The following TNIK variants were observed in gnomAD, a reference collection of about 807,000 sequenced individuals.
TNIK encodes TRAF2 and NCK interacting kinase.
Under a neutral mutation model 191.3 loss-of-function variants are expected in TNIK, and 49 were observed. That is an observed-to-expected ratio of 0.26 (90% CI 0.20 to 0.32). The LOEUF is 0.32. Among genes scored for constraint, TNIK ranks in the 10% least tolerant of loss-of-function variants. The pLI is 1.00. For synonymous variants in TNIK, 594 were observed against 600.9 expected, an observed-to-expected ratio of 0.99 and a Z score of 0.17; for missense variants, 1,155 against 1,702.3, an observed-to-expected ratio of 0.68 and a Z score of 5.66.
chr3:171,175,136 C>T, intron 9 of TNIK, 116 bp downstream of exon 9: 1 of 969,652 alleles, frequency 1.0e-6, no homozygotes, highest in Non-Finnish European at 1.6e-6. Flanking sequence ...TTCACCAAGT[C>T]ATCATACATG....
intron 12 of TNIK, among the ~76,000 whole-genome samples, chr3:171,145,622 GCATTTAT>G (rs879287822): frequency 1.2e-4 from 19 of 152,252 alleles, no homozygotes; most frequent in Non-Finnish European, 2.2e-4. Flanking sequence ...CAAAGGTAAT[GCATTTAT>G]CCCAAATTGG....
At chr3:171,261,422 T>C (rs1285676903) in intron 2 of TNIK, among the ~76,000 whole-genome samples, 1 of 152,208 alleles carries the variant, frequency 6.6e-6, no homozygotes, top group Non-Finnish European at 1.5e-5. Context: ...CCCACTTACT[T>C]ATTTGCATGC....
At chr3:171,421,878 C>T (rs547195661) in intron 1 of TNIK, among the ~76,000 whole-genome samples, 13 of 151,832 alleles carry the variant, frequency 8.6e-5, no homozygotes, top group African/African-American at 2.9e-4. Flanking sequence ...ACTACAGGTG[C>T]GTGACATCAA....
At chr3:171,213,969 T>C (rs769471037) in intron 3 of TNIK, among the ~76,000 whole-genome samples, 13 of 152,116 alleles carry the variant, frequency 8.5e-5, no homozygotes, top group Middle Eastern at 3.4e-3. Context: ...AAAAAATAAA[T>C]AAATAAAAGG....
rs771342267 is a variant in TNIK at position 171,125,905 on chromosome 3, A to T, written c.2013+7T>A. On this transcript the variant is annotated splice_region_variant and intron_variant, in intron 17 of 32. Transcript: ENST00000436636. ...GTGATTAAAAAAAACACCCCAGTAA[A>T]TATTACCTTTGGTGGAATGTCTTCT... 2.5e-6 allele frequency: 4 copies of T among 1,613,844 alleles called. No individual in the cohort carries two copies. In the Admixed American group the frequency reaches 6.7e-5, roughly 27 times the overall value.
chr3:171,305,050 G>GGA (rs113849134), intron 2 of TNIK, among the ~76,000 whole-genome samples: 12 of 133,880 alleles, frequency 9.0e-5, no homozygotes, highest in African/African-American at 2.8e-4. Flanking sequence ...CTGCCACAGG[G>GGA]AAAAAAAAAA....
At chr3:171,443,439 C>T (rs1727087973) in intron 1 of TNIK, among the ~76,000 whole-genome samples, 1 of 152,140 alleles carries the variant, frequency 6.6e-6, no homozygotes, top group African/African-American at 2.4e-5. Context: ...ATGATTTCAC[C>T]ACCACTAGAA....
intron 3 of TNIK, among the ~76,000 whole-genome samples, chr3:171,218,209 C>T (rs1294389491): frequency 4.6e-5 from 7 of 152,232 alleles, no homozygotes; most frequent in Admixed American, 2.6e-4. Flanking sequence ...GGATATTCCA[C>T]GAGACTGACA....
intron 1 of TNIK, among the ~76,000 whole-genome samples, chr3:171,396,803 T>A (rs921102804): frequency 6.6e-6 from 1 of 152,204 alleles, no homozygotes; most frequent in Non-Finnish European, 1.5e-5. Flanking sequence ...TTCTTTTGAC[T>A]CTCAGACTAC....
At chr3:171,316,958 A>G (rs994570832) in intron 2 of TNIK, among the ~76,000 whole-genome samples, 3 of 132,880 alleles carry the variant, frequency 2.3e-5, no homozygotes, top group Non-Finnish European at 4.8e-5. Context: ...TATCATATAA[A>G]ATATATAATT....
chr3:171,340,324 A>C (rs1305579776), intron 2 of TNIK, among the ~76,000 whole-genome samples: 1 of 152,248 alleles, frequency 6.6e-6, no homozygotes. Flanking sequence ...AAATAAAATG[A>C]GTGTAGTATT....
intron 17 of TNIK, among the ~76,000 whole-genome samples, chr3:171,123,925 G>A (rs749370406): frequency 2.0e-5 from 3 of 152,202 alleles, no homozygotes; most frequent in Non-Finnish European, 4.4e-5. Flanking sequence ...AACCATTAAA[G>A]AGGGTCATCC....
rs1745366248 is a variant in TNIK at position 171,244,477 on chromosome 3, TG to T, written c.124-16257del. On this transcript the variant is annotated intron_variant, in intron 2 of 32. Transcript: ENST00000436636. The stretch of plus-strand genomic sequence containing the variant: ...ACTTCTCAAACATACTCACTTATTC[TG>T]GGGGAAAAAACCACTTTTCTCAAAG... 1.3e-5 allele frequency among the ~76,000 whole-genome samples: 2 copies of T among 151,990 alleles called. 1 individual carries two copies. The highest frequency in any genetic ancestry group is 2.9e-5 in the Non-Finnish European group (2 of 68,004).
intron 25 of TNIK, 132 bp downstream of exon 25, chr3:171,084,986 A>G (rs1721155037): frequency 8.0e-6 from 5 of 624,382 alleles, no homozygotes; most frequent in Non-Finnish European, 1.3e-5. Context: ...ATAATTTTAA[A>G]AAGTCTTCCT....
At chr3:171,170,092 A>G (rs1735092635) in intron 9 of TNIK, among the ~76,000 whole-genome samples, 1 of 152,256 alleles carries the variant, frequency 6.6e-6, no homozygotes, top group Non-Finnish European at 1.5e-5. Context: ...ATGAGTTTAA[A>G]GTACATTTAT....
intron 1 of TNIK, among the ~76,000 whole-genome samples, chr3:171,411,915 C>T (rs547075851): frequency 3.9e-5 from 6 of 152,236 alleles, no homozygotes; most frequent in South Asian, 2.1e-4. Flanking sequence ...CCATTTTAGA[C>T]GGTGACCAAG....
At chr3:171,104,948 T>C (rs1724490431) in intron 21 of TNIK, among the ~76,000 whole-genome samples, 1 of 152,194 alleles carries the variant, frequency 6.6e-6, no homozygotes, top group African/African-American at 2.4e-5. Context: ...GTCACATATT[T>C]AATTGTGCCA....
At chr3:171,228,826 GT>G (rs1743270239) in intron 2 of TNIK, among the ~76,000 whole-genome samples, 1 of 152,160 alleles carries the variant, frequency 6.6e-6, no homozygotes, top group South Asian at 2.1e-4. Context: ...CAGCAACCAC[GT>G]GGCAAAATCA....
At chr3:171,241,035 C>CTTT (rs113654211) in intron 2 of TNIK, among the ~76,000 whole-genome samples, 1 of 142,660 alleles carries the variant, frequency 7.0e-6, no homozygotes, top group African/African-American at 2.6e-5. Context: ...TTTTTCTTTT[C>CTTT]TTTTTTTTTT....
Sources: gnomAD v4.1 joint callset for allele counts (sites outside exome capture counted in the v4.1 genomes callset) on GRCh38, gnomAD v4.1.1 for gene constraint, MANE v1.5 for transcripts, NCBI Gene and HGNC (gene_info 2026-07-23, HGNC 2026-07-21) for gene names.